Variants in VWA8 observed in about 807,000 individuals in gnomAD.
The protein encoded by VWA8 is von Willebrand factor A domain containing 8.
A neutral mutation model predicts 241.5 loss-of-function variants in VWA8; 221 were observed. The ratio of observed to expected loss-of-function variants is 0.91; its 90% CI spans 0.82 to 1.02. VWA8 has a LOEUF of 1.02. VWA8 is among the 50% of genes least tolerant of loss of function. The pLI is 0.00. For missense variants in VWA8, 2,322 were observed against 2,328.7 expected (o/e 1.00, Z 0.06); for synonymous variants, 852 against 827.1 (o/e 1.03, Z -0.52).
rs140209374 is a variant in VWA8 at position 41,719,734 on chromosome 13, C to T, written c.2973G>A (p.Pro991=). The T allele has an allele frequency of 4.6e-5, 73 of 1,603,608 alleles. 1 individual carries two copies. Among genetic ancestry groups the T allele is most frequent in the Middle Eastern group, 3.3e-4 (2 of 6,058 alleles). ...GAACTACACTGGAGAGACCTTCAGT[C>T]GGAAATTTCTGTATTAAAAAAAAAT... ...VNIVKHLQKF[P]TEGLSSVVRN... is the part of the protein sequence containing the mutation. Residue 991 remains proline (P), a synonymous_variant, in exon 26 of 45, where the codon CCG becomes CCA. Transcript: ENST00000379310.
intron 9 of VWA8, among the ~76,000 whole-genome samples, chr13:41,876,996 C>T (rs1873929469): frequency 6.6e-6 from 1 of 152,046 alleles, no homozygotes; most frequent in East Asian, 1.9e-4. Context: ...TCAACTAACA[C>T]CCACACATTA....
At chr13:41,928,409 CATA>C (rs1007071452) in intron 2 of VWA8, among the ~76,000 whole-genome samples, 23 of 152,082 alleles carry the variant, frequency 1.5e-4, no homozygotes, top group Admixed American at 1.2e-3. Context: ...CATTTCAGAT[CATA>C]ATGATATGAA....
At chr13:41,679,202 C>A (rs1327812431) in intron 35 of VWA8, among the ~76,000 whole-genome samples, 2 of 152,138 alleles carry the variant, frequency 1.3e-5, no homozygotes, top group African/African-American at 4.8e-5. Context: ...AAAGGGAAGT[C>A]ATTGCAGCAG....
intron 26 of VWA8, among the ~76,000 whole-genome samples, chr13:41,707,780 T>C (rs1485190161): frequency 6.6e-6 from 1 of 152,190 alleles, no homozygotes; most frequent in African/African-American, 2.4e-5. Flanking sequence ...TACCTCTGCC[T>C]AGAATTCCTT....
intron 18 of VWA8, among the ~76,000 whole-genome samples, chr13:41,785,276 C>T (rs549174334): frequency 3.4e-4 from 51 of 152,234 alleles, no homozygotes; most frequent in African/African-American, 1.2e-3. Context: ...AGAACATACA[C>T]TATGTAATTT....
At position 41,795,233 on chromosome 13, in the gene VWA8, A is replaced by G. The variant is rs1381490993; in HGVS notation, c.2064-7690T>C. Among the ~76,000 whole-genome samples the G allele has an allele frequency of 2.0e-5, 3 of 152,332 alleles. No individual in the cohort carries two copies. The East Asian group carries it at 5.8e-4, about 29-fold the overall frequency. The stretch of plus-strand genomic sequence containing the variant: ...ACTGATCATTAGAGAAATGCAAATC[A>G]AAACCACAATGAGGTACCATCTCAT... On this transcript the variant is annotated intron_variant, in intron 17 of 44. Transcript: ENST00000379310.
chr13:41,899,665 T>C (rs1415240549), intron 4 of VWA8, among the ~76,000 whole-genome samples: 1 of 152,128 alleles, frequency 6.6e-6, no homozygotes, highest in Non-Finnish European at 1.5e-5. Flanking sequence ...TATCAAAAAG[T>C]ACTATCAAAC....
intron 37 of VWA8, among the ~76,000 whole-genome samples, chr13:41,647,865 T>C (rs1425852275): frequency 6.6e-6 from 1 of 152,098 alleles, no homozygotes; most frequent in African/African-American, 2.4e-5. Context: ...GACGCATGCC[T>C]GTAATCCCAG....
chr13:41,731,811 C>T (rs1262074923), intron 22 of VWA8, among the ~76,000 whole-genome samples: 2 of 152,070 alleles, frequency 1.3e-5, no homozygotes, highest in Non-Finnish European at 1.5e-5. Flanking sequence ...AGGGGAAACC[C>T]CATTGCTTGG....
intron 26 of VWA8, among the ~76,000 whole-genome samples, chr13:41,715,661 A>C (rs1190326859): frequency 6.6e-6 from 1 of 152,030 alleles, no homozygotes; most frequent in Non-Finnish European, 1.5e-5. Flanking sequence ...ATAGCAGATA[A>C]TCTATGCCTT....
chr13:41,885,751 T>C lies in VWA8; in HGVS notation c.975+169A>G, dbSNP rs1187880069. ...AAGCTCTTTAGGGGCTCAGAACATG[T>C]CCTTGGTCTCTGTACAGTTTACTGC... On this transcript the variant is annotated intron_variant, in intron 8 of 44. Transcript: ENST00000379310. Among the ~76,000 whole-genome samples, 4 of 152,240 alleles carry C rather than the reference T, an allele frequency of 2.6e-5. No homozygotes were observed. In the East Asian group the frequency reaches 7.7e-4, roughly 29 times the overall value.
chr13:41,910,869 G>A (rs927964548), intron 3 of VWA8, among the ~76,000 whole-genome samples: 8 of 151,912 alleles, frequency 5.3e-5, no homozygotes, highest in African/African-American at 1.9e-4. Flanking sequence ...GAGTGTACAA[G>A]GTAGATTTCA....
At position 41,773,566 on chromosome 13, in the gene VWA8, C is replaced by T. The variant is rs76309990; in HGVS notation, c.2349+4419G>A. The stretch of plus-strand genomic sequence containing the variant: ...GGGGTACTGCATTAGTCAAGGAATA[C>T]TACAGGTGGCTCTGTACTCCCTCGT... On this transcript the variant is annotated intron_variant, in intron 20 of 44. Transcript: ENST00000379310. Among the ~76,000 whole-genome samples the T allele has an allele frequency of 5.3e-4, 81 of 152,294 alleles. No individual in the cohort carries two copies. The East Asian group carries it at 6.6e-3, about 12-fold the overall frequency.
Position 41,865,779 on chromosome 13 carries a change from G to C in VWA8, c.1382C>G (p.Ala461Gly), listed in dbSNP as rs1254734087. The change falls in exon 12 of 45, where the codon GCC (alanine) becomes GGC (glycine). Residue 461 changes from alanine to glycine, a missense_variant. Physicochemically the swap from Ala to Gly is moderately conservative, Grantham distance 60. Coordinates refer to ENST00000379310, the MANE Select transcript of VWA8 (RefSeq NM_015058.2). ...CGKTVIAKNFADTLGYNIEPI... is the reference protein window; with the variant it reads ...CGKTVIAKNFGDTLGYNIEPI... Reference sequence around the variant, plus strand: ...TTCTATGTTGTATCCTAAGGTATCGGCAAAGTTCTTAGCGATCACTGTTTT... The same window carrying C: ...TTCTATGTTGTATCCTAAGGTATCGCCAAAGTTCTTAGCGATCACTGTTTT... 1 of 1,613,982 alleles carries C rather than the reference G, an allele frequency of 6.2e-7. No homozygotes were observed. Among genetic ancestry groups the C allele is most frequent in the Non-Finnish European group, 8.5e-7 (1 of 1,180,034 alleles).
rs371191777 is a variant in VWA8 at position 41,570,483 on chromosome 13, C to T, written c.5594G>A (p.Gly1865Asp). ...NAFAIFIGSL[G>D]DQATRLQRTL... ...TGACACTTACCTGGTTGCTTGATCA[C>T]CTAAAGAGCCAATAAAAATGGCAAA... is the stretch of plus-strand genomic sequence containing the variant. Residue 1865 changes from glycine (G) to aspartate (D), a missense_variant, in exon 44 of 45, where the codon GGT (glycine) becomes GAT (aspartate). Gly to Asp is a moderately conservative substitution (Grantham distance 94). Transcript: ENST00000379310. The T allele has an allele frequency of 1.1e-5, 18 of 1,614,106 alleles. No individual in the cohort carries two copies. Among genetic ancestry groups the T allele is most frequent in the Non-Finnish European group, 1.5e-5 (18 of 1,179,992 alleles).
intron 18 of VWA8, among the ~76,000 whole-genome samples, chr13:41,785,947 C>T (rs764192485): frequency 4.6e-5 from 7 of 152,046 alleles, no homozygotes; most frequent in South Asian, 2.1e-4. Context: ...AGCAGATTTA[C>T]GGCTTAAGGA....
At chr13:41,871,745 G>A (rs1329977949) in intron 9 of VWA8, among the ~76,000 whole-genome samples, 1 of 152,072 alleles carries the variant, frequency 6.6e-6, no homozygotes, top group Admixed American at 6.6e-5. Flanking sequence ...TTGCTATTGT[G>A]AATAGTGCCG....
At chr13:41,590,498 CTTTT>C in intron 41 of VWA8, 138 bp downstream of exon 41, 58 of 653,792 alleles carry the variant, frequency 8.9e-5, no homozygotes, top group South Asian at 2.0e-4. Context: ...TCTTCTTCTT[CTTTT>C]TTTTTTTTTT....
intron 37 of VWA8, among the ~76,000 whole-genome samples, chr13:41,644,006 C>T (rs1309484282): frequency 6.6e-6 from 1 of 152,060 alleles, no homozygotes; most frequent in Non-Finnish European, 1.5e-5. Context: ...AATCTATTAT[C>T]TCCTTTTTTC....
Sources: gnomAD v4.1 joint callset for allele counts (sites outside exome capture counted in the v4.1 genomes callset) on GRCh38, gnomAD v4.1.1 for gene constraint, MANE v1.5 for transcripts, NCBI Gene and HGNC (gene_info 2026-07-23, HGNC 2026-07-21) for gene names.